Variants in DACH1 observed in about 807,000 individuals in gnomAD.
DACH1 encodes dachshund homolog 1.
A neutral mutation model predicts 54.2 loss-of-function variants in DACH1; 12 were observed. The observed-to-expected ratio is 0.22, with a 90% CI of 0.14 to 0.36. The LOEUF (loss-of-function observed/expected upper bound fraction) is 0.36. DACH1 is among the 10% of genes least tolerant of loss of function. The probability of loss-of-function intolerance (pLI) is 1.00; values close to 1 mark genes in which losing one functional copy is unlikely to be tolerated. For synonymous variants in DACH1, 386 were observed against 366.2 expected, an observed-to-expected ratio of 1.05 and a Z score of -0.62; for missense variants, 805 against 929.8, an observed-to-expected ratio of 0.87 and a Z score of 1.75.
chr13:71,546,819 T>C (rs1883494579), intron 6 of DACH1, among the ~76,000 whole-genome samples: 1 of 152,044 alleles, frequency 6.6e-6, no homozygotes, highest in Admixed American at 6.6e-5. Context: ...ATTGAATACT[T>C]ATTTTATTAA....
At chr13:71,589,486 T>C (rs532217774) in intron 3 of DACH1, among the ~76,000 whole-genome samples, 46 of 152,126 alleles carry the variant, frequency 3.0e-4, no homozygotes, top group South Asian at 1.2e-3. Context: ...TTGATAAACA[T>C]AGTAAATAAA....
rs144612538 is a variant in DACH1 at position 71,614,030 on chromosome 13, T to C, written c.1126+16526A>G. Among the ~76,000 whole-genome samples the C allele has an allele frequency of 1.3e-4, 20 of 152,330 alleles. No individual in the cohort carries two copies. In the East Asian group the frequency reaches 3.9e-3, roughly 29 times the overall value. On this transcript the variant is annotated intron_variant, in intron 3 of 10. Transcript: ENST00000613252. The stretch of plus-strand genomic sequence containing the variant: ...GTTCGTTTGTTTTCTTAAAGATTGC[T>C]ATGTACTGAGCTTAAGGAAGACTGA...
intron 6 of DACH1, among the ~76,000 whole-genome samples, chr13:71,530,793 G>A (rs1408424354): frequency 6.6e-6 from 1 of 152,044 alleles, no homozygotes; most frequent in African/African-American, 2.4e-5. Flanking sequence ...TTTAATAAAT[G>A]CATATTGAAT....
chr13:71,523,807 G>C (rs952893367), intron 6 of DACH1, among the ~76,000 whole-genome samples: 1 of 151,926 alleles, frequency 6.6e-6, no homozygotes, highest in South Asian at 2.1e-4. Context: ...ATAAATTCTC[G>C]AATAACGTGT....
At chr13:71,786,061 A>G (rs1350149368) in intron 1 of DACH1, among the ~76,000 whole-genome samples, 1 of 152,176 alleles carries the variant, frequency 6.6e-6, no homozygotes, top group Non-Finnish European at 1.5e-5. Flanking sequence ...AGCTCTAACA[A>G]TGGAAAAAGT....
intron 1 of DACH1, among the ~76,000 whole-genome samples, chr13:71,708,575 C>T (rs1043311232): frequency 1.2e-4 from 18 of 151,906 alleles, no homozygotes; most frequent in Admixed American, 1.1e-3. Flanking sequence ...CTCATCAATA[C>T]CATTTATGAA....
At position 71,846,484 on chromosome 13, in the gene DACH1, A is replaced by C. The variant is rs534567337; in HGVS notation, c.848+19438T>G. Among the ~76,000 whole-genome samples, 9 of 152,276 alleles carry C rather than the reference A, an allele frequency of 5.9e-5. No homozygotes were observed. In the South Asian group the frequency reaches 1.9e-3, roughly 32 times the overall value. The stretch of plus-strand genomic sequence containing the variant: ...CGGTGAAACCCCGTCTCTACTAAAA[A>C]TACAAAAATAAGCCCGTCGTGGTGA... On this transcript the variant is annotated intron_variant, in intron 1 of 10. Coordinates refer to ENST00000613252, the MANE Select transcript of DACH1 (RefSeq NM_080759.6).
At chr13:71,562,137 T>C (rs1254115566) in intron 4 of DACH1, among the ~76,000 whole-genome samples, 1 of 152,154 alleles carries the variant, frequency 6.6e-6, no homozygotes, top group Non-Finnish European at 1.5e-5. Context: ...GCTGATAGGC[T>C]TCTGTAAAAG....
intron 1 of DACH1, among the ~76,000 whole-genome samples, chr13:71,757,461 G>T (rs557231657): frequency 6.6e-6 from 1 of 151,756 alleles, no homozygotes; most frequent in East Asian, 1.9e-4. Flanking sequence ...CACAGAAATG[G>T]GTGTAATAAT....
intron 1 of DACH1, among the ~76,000 whole-genome samples, chr13:71,715,283 C>T (rs553918020): frequency 1.3e-5 from 2 of 152,178 alleles, no homozygotes; most frequent in South Asian, 4.1e-4. Flanking sequence ...AGTCACTTAA[C>T]CTTTTGGTAT....
chr13:71,595,740 G>A (rs1001286362), intron 3 of DACH1, among the ~76,000 whole-genome samples: 1 of 152,030 alleles, frequency 6.6e-6, no homozygotes, highest in Admixed American at 6.6e-5. Context: ...CTGAGTTGCC[G>A]ACTGCAAACA....
In DACH1 at chr13:71,798,166, T is replaced by A. The variant is rs1455279059; in HGVS notation, c.848+67756A>T. ...GGCTGTGTGTCTCCAAATCCAGGGT[T>A]TCAAAAATGTCACCTCTCCAAACAC... On this transcript the variant is annotated intron_variant, in intron 1 of 10. Coordinates refer to ENST00000613252, the MANE Select transcript of DACH1 (RefSeq NM_080759.6). Among the ~76,000 whole-genome samples the A allele has an allele frequency of 3.3e-5, 5 of 151,746 alleles. No homozygotes were observed. In the East Asian group the frequency reaches 7.7e-4, roughly 23 times the overall value.
intron 1 of DACH1, among the ~76,000 whole-genome samples, chr13:71,804,838 T>A (rs1030622015): frequency 6.6e-6 from 1 of 152,192 alleles, no homozygotes; most frequent in East Asian, 1.9e-4. Context: ...TTCAACATCC[T>A]GACTTGTATT....
At chr13:71,780,257 A>T (rs1007870980) in intron 1 of DACH1, among the ~76,000 whole-genome samples, 1 of 152,158 alleles carries the variant, frequency 6.6e-6, no homozygotes, top group African/African-American at 2.4e-5. Flanking sequence ...GGAACTGAGG[A>T]AGGTTCAGTG....
At chr13:71,623,055 T>G (rs1039848471) in intron 3 of DACH1, among the ~76,000 whole-genome samples, 2 of 151,802 alleles carry the variant, frequency 1.3e-5, no homozygotes, top group Non-Finnish European at 3.0e-5. Flanking sequence ...TATAGGAAAC[T>G]AGTACATGTT....
intron 1 of DACH1, among the ~76,000 whole-genome samples, chr13:71,772,147 C>G (rs1039088687): frequency 6.6e-6 from 1 of 151,436 alleles, no homozygotes; most frequent in Non-Finnish European, 1.5e-5. Flanking sequence ...TATACTTGCC[C>G]CTTGCCTACA....
intron 6 of DACH1, among the ~76,000 whole-genome samples, chr13:71,490,465 T>G (rs1235139220): frequency 6.6e-6 from 1 of 152,160 alleles, no homozygotes; most frequent in Non-Finnish European, 1.5e-5. Flanking sequence ...GGCCTCCTAT[T>G]AACTCCTCTC....
At chr13:71,782,818 T>C (rs969247166) in intron 1 of DACH1, among the ~76,000 whole-genome samples, 1 of 152,152 alleles carries the variant, frequency 6.6e-6, no homozygotes, top group Non-Finnish European at 1.5e-5. Context: ...TAGTAATAGG[T>C]ATTATTGCAG....
chr13:71,707,954 A>C (rs1738401429), intron 1 of DACH1, among the ~76,000 whole-genome samples: 1 of 152,172 alleles, frequency 6.6e-6, no homozygotes, highest in Non-Finnish European at 1.5e-5. Context: ...CTCATAAGAA[A>C]GTTTCACCAG....
Sources: gnomAD v4.1 joint callset for allele counts (sites outside exome capture counted in the v4.1 genomes callset) on GRCh38, gnomAD v4.1.1 for gene constraint, MANE v1.5 for transcripts, NCBI Gene and HGNC (gene_info 2026-07-23, HGNC 2026-07-21) for gene names.